ICE2: variants seen among roughly 807,000 people sequenced by gnomAD.
ICE2 encodes the protein interactor of little elongation complex ELL subunit 2, also known as little elongation complex subunit 2.
Under a neutral mutation model 105.4 loss-of-function variants are expected in ICE2, and 87 were observed. The ratio of observed to expected loss-of-function variants is 0.83; its 90% CI spans 0.69 to 0.99. The LOEUF is 0.99. Ranked by LOEUF, ICE2 falls within the 50% of genes least tolerant of loss-of-function variation. The pLI is 0.00. For missense variants in ICE2, 1,323 were observed against 1,146.7 expected (o/e 1.15, Z -2.22); for synonymous variants, 399 against 392.0 (o/e 1.02, Z -0.21).
chr15:60,477,905 C>T lies in ICE2; in HGVS notation c.41+32G>A, dbSNP rs375451736. 6 of 1,591,254 alleles carry T rather than the reference C, an allele frequency of 3.8e-6. No homozygotes were observed. In the African/African-American group the frequency reaches 6.7e-5, roughly 18 times the overall value. On this transcript the variant is annotated intron_variant, in intron 2 of 15. Coordinates refer to ENST00000261520, the MANE Select transcript of ICE2 (RefSeq NM_024611.6). ...CAACCATCAGCCCCACTACACTCCTCTTCAGTGGATTACAAAGTGGCTACA... is the reference window on the plus strand; with the variant it reads ...CAACCATCAGCCCCACTACACTCCTTTTCAGTGGATTACAAAGTGGCTACA...
chr15:60,454,512 C>T (rs925727054), intron 8 of ICE2, among the ~76,000 whole-genome samples: 2 of 152,026 alleles, frequency 1.3e-5, no homozygotes, highest in Non-Finnish European at 2.9e-5. Flanking sequence ...AACATGACTA[C>T]AGGTGCTATA....
chr15:60,455,879 A>G (rs961081176), intron 6 of ICE2, among the ~76,000 whole-genome samples: 5 of 152,066 alleles, frequency 3.3e-5, no homozygotes, highest in South Asian at 4.1e-4. Context: ...CGGCCTCCCA[A>G]AGTGCTGGGA....
chr15:60,436,720 CAAAAAA>C (rs58594280), intron 12 of ICE2, among the ~76,000 whole-genome samples: 23 of 88,014 alleles, frequency 2.6e-4, no homozygotes, highest in Non-Finnish European at 3.7e-4. Flanking sequence ...GACTCTGTCT[CAAAAAA>C]AAAAAAAAAA....
Position 60,477,803 on chromosome 15 carries a change from G to A in ICE2, c.41+134C>T, listed in dbSNP as rs981498550. 7.8e-6 allele frequency: 6 copies of A among 769,728 alleles called. No individual in the cohort carries two copies. In the African/African-American group the frequency reaches 1.0e-4, roughly 13 times the overall value. The allele number at this position is 769,728 out of a possible 1,614,324, so 47.7% of individuals were successfully genotyped here. On this transcript the variant is annotated intron_variant, in intron 2 of 15. Transcript: ENST00000261520. ...ATTCCGTATGTGAAGATGAGGATAG[G>A]GTAAATTCTGAGACCCTAAACTTGT...
chr15:60,456,208 TAA>T (rs1595791401), intron 6 of ICE2, among the ~76,000 whole-genome samples: 1 of 137,288 alleles, frequency 7.3e-6, no homozygotes, highest in East Asian at 2.2e-4. Context: ...TTACATATTT[TAA>T]AAGTTATCTA....
At chr15:60,434,311 T>G (rs1249652936) in intron 13 of ICE2, among the ~76,000 whole-genome samples, 1 of 152,202 alleles carries the variant, frequency 6.6e-6, no homozygotes, top group Admixed American at 6.5e-5. Flanking sequence ...AGTTAGACTC[T>G]CAGAGTTTTT....
intron 5 of ICE2, among the ~76,000 whole-genome samples, chr15:60,466,133 C>A (rs1013536103): frequency 3.3e-5 from 5 of 152,128 alleles, no homozygotes; most frequent in Non-Finnish European, 7.4e-5. Flanking sequence ...ACAGGTCTTA[C>A]TAATAAATTT....
rs746264006 is a variant in ICE2, at chr15:60,449,613, T to C, written c.1354A>G (p.Asn452Asp). Residue 452 changes from asparagine (N) to aspartate (D), a missense_variant, in exon 10 of 16, where the codon AAT (asparagine) becomes GAT (aspartate). Coordinates refer to ENST00000261520, the MANE Select transcript of ICE2 (RefSeq NM_024611.6). ...AGAATCTGAGATAAACTTCTAGAAT[T>C]AGCAGAAATGTCTGGTGCACTTGGT... is the stretch of plus-strand genomic sequence containing the variant. ...VAPSAPDISA[N>D]SRSLSQILME... 6.8e-6 allele frequency: 11 copies of C among 1,614,080 alleles called. No individual in the cohort carries two copies. The East Asian group carries it at 2.0e-4, about 29-fold the overall frequency.
At chr15:60,425,856 C>T (rs1022183366) in intron 15 of ICE2, among the ~76,000 whole-genome samples, 3 of 152,120 alleles carry the variant, frequency 2.0e-5, no homozygotes, top group African/African-American at 7.2e-5. Context: ...AATCCCATGG[C>T]CTAGCTAGGA....
In ICE2 at chr15:60,477,856, T is replaced by C. The variant is rs2064809079; in HGVS notation, c.41+81A>G. 5.7e-6 allele frequency: 7 copies of C among 1,226,408 alleles called. No individual in the cohort carries two copies. The Admixed American group carries it at 1.2e-4, about 21-fold the overall frequency. 76.0% of individuals were successfully genotyped at this position (1,226,408 alleles called of 1,614,324 possible). On this transcript the variant is annotated intron_variant, in intron 2 of 15. Coordinates refer to ENST00000261520, the MANE Select transcript of ICE2 (RefSeq NM_024611.6). ...TTTCTGTTTCCTCCAAATCTCTCTA[T>C]GCCAGAAATCTATTTTCTTATGTCA...
At chr15:60,426,681 A>C (rs1253418457) in intron 15 of ICE2, among the ~76,000 whole-genome samples, 1 of 152,174 alleles carries the variant, frequency 6.6e-6, no homozygotes, top group Non-Finnish European at 1.5e-5. Flanking sequence ...TTTTAGAAAC[A>C]CCTTGCACAC....
chr15:60,452,305 G>GA (rs2063985332), intron 9 of ICE2: 5 of 880,560 alleles, frequency 5.7e-6, no homozygotes, highest in Non-Finnish European at 6.8e-6. Context: ...TTAAGTACAA[G>GA]AAAAACATTT....
At position 60,423,744 on chromosome 15, in the gene ICE2, G is replaced by A; in HGVS notation, c.2839C>T (p.Pro947Ser). ...TQQKIGGTRM[P>S]TRSHRNPVSM... is the part of the protein sequence containing the mutation. ...ACTGGATTCCTGTGGCTGCGTGTAG[G>A]CATTCTCGTTCCACCAATCTAAGAG... The change falls in exon 16 of 16, where the codon CCT (proline) becomes TCT (serine). Residue 947 changes from proline to serine, a missense_variant. Physicochemically the swap from Pro to Ser is moderately conservative, Grantham distance 74. Coordinates refer to ENST00000261520, the MANE Select transcript of ICE2 (RefSeq NM_024611.6). The A allele has an allele frequency of 2.5e-6, 4 of 1,594,938 alleles. No individual in the cohort carries two copies. Among genetic ancestry groups the A allele is most frequent in the Admixed American group, 3.6e-5 (2 of 55,162 alleles).
chr15:60,447,166 G>C (rs1165096059), intron 11 of ICE2, among the ~76,000 whole-genome samples: 1 of 152,120 alleles, frequency 6.6e-6, no homozygotes, highest in African/African-American at 2.4e-5. Flanking sequence ...GAAAGGAAGA[G>C]ATTTGGTCTT....
intron 5 of ICE2, among the ~76,000 whole-genome samples, chr15:60,464,591 C>G (rs2064369910): frequency 6.6e-6 from 1 of 151,694 alleles, no homozygotes; most frequent in Non-Finnish European, 1.5e-5. Flanking sequence ...GGACTTAAGG[C>G]AGGACTATGC....
intron 9 of ICE2, chr15:60,452,732 G>A (rs1039240800): frequency 3.1e-6 from 1 of 321,738 alleles, no homozygotes; most frequent in Non-Finnish European, 4.5e-6. Context: ...TGCTTTATAT[G>A]TACAAATTCA....
Position 60,421,693 on chromosome 15 carries a change from T to A in ICE2, c.*1941A>T, listed in dbSNP as rs1039301698. ...AAATAAAAAAGTGTAAGAGTACATTTCAAGGGAATCCCTGCCTCTCCCTTG... is the reference window on the plus strand; with the variant it reads ...AAATAAAAAAGTGTAAGAGTACATTACAAGGGAATCCCTGCCTCTCCCTTG... On this transcript the variant is annotated 3_prime_UTR_variant, in exon 16 of 16. Coordinates refer to ENST00000261520, the MANE Select transcript of ICE2 (RefSeq NM_024611.6). 6.6e-6 allele frequency: 1 copy of A among 152,120 alleles called. No homozygotes were observed. Among genetic ancestry groups the A allele is most frequent in the Non-Finnish European group, 1.5e-5 (1 of 68,018 alleles). The allele number at this position is 152,120 out of a possible 1,614,324, so 9.4% of individuals were successfully genotyped here.
Position 60,455,084 on chromosome 15 carries a change from A to G in ICE2, c.862T>C (p.Phe288Leu), listed in dbSNP as rs755904242. 4 of 1,603,356 alleles carry G rather than the reference A, an allele frequency of 2.5e-6. No homozygotes were observed. The highest frequency in any genetic ancestry group is 2.3e-5 in the South Asian group (2 of 88,382). The stretch of plus-strand genomic sequence containing the variant: ...GGTCCATGATTATTTAATAAGGTAA[A>G]TAATGACTGACTAGTTAGAGCTATC... ...PQIALTSQSL[F>L]TLLNNHGPTY... Residue 288 changes from phenylalanine to leucine, a missense_variant, in exon 8 of 16, where the codon TTT becomes CTT. Physicochemically the swap from Phe to Leu is conservative, Grantham distance 22. Transcript: ENST00000261520.
intron 6 of ICE2, 65 bp downstream of exon 6, chr15:60,456,592 C>T (rs1485977057): frequency 1.6e-4 from 73 of 451,370 alleles, no homozygotes; most frequent in African/African-American, 2.6e-4. Flanking sequence ...TATACACACA[C>T]ACACACACAC....
Sources: allele counts gnomAD v4.1 joint callset (sites outside exome capture counted in the v4.1 genomes callset), GRCh38; gene constraint gnomAD v4.1.1; transcripts MANE v1.5; gene names NCBI Gene and HGNC (gene_info 2026-07-23, HGNC 2026-07-21).